The following USP6 variants were observed in gnomAD, a reference collection of about 807,000 sequenced individuals.
USP6 encodes ubiquitin specific peptidase 6, also known as ubiquitin carboxyl-terminal hydrolase 6.
A neutral mutation model predicts 175.7 loss-of-function variants in USP6; 128 were observed. The ratio of observed to expected loss-of-function variants is 0.73; its 90% CI spans 0.63 to 0.84. The LOEUF is 0.84. USP6 is among the 40% of genes least tolerant of loss of function. The pLI, the probability that USP6 is intolerant of heterozygous loss-of-function variation, is 0.00. For missense variants in USP6, 1,498 were observed against 1,760.3 expected (o/e 0.85, Z 2.67); for synonymous variants, 562 against 630.6 (o/e 0.89, Z 1.63).
chr17:5,173,047 A>C lies in USP6; in HGVS notation c.*69A>C. 1 of 1,553,264 alleles carries C rather than the reference A, an allele frequency of 6.4e-7. No homozygotes were observed. The highest frequency in any genetic ancestry group is 8.8e-7 in the Non-Finnish European group (1 of 1,140,760). On this transcript the variant is annotated 3_prime_UTR_variant, in exon 38 of 38. Transcript: ENST00000574788. ...GACTCCTTGTAGCTGATACTTGGCA[A>C]AAGTGTCACTGAAAGACAAGCTAAA...
chr17:5,122,336 C>A (rs1328229855), intron 4 of USP6, among the ~76,000 whole-genome samples: 2 of 152,024 alleles, frequency 1.3e-5, no homozygotes, highest in Admixed American at 1.3e-4. Context: ...AGTGGTGACA[C>A]CATCAGCCAC....
chr17:5,124,125 A>G (rs1597968555), intron 4 of USP6, among the ~76,000 whole-genome samples: 1 of 152,188 alleles, frequency 6.6e-6, no homozygotes, highest in Middle Eastern at 3.2e-3. Context: ...ATACGAGGAC[A>G]CTGCAGGCAC....
At chr17:5,156,339 C>T (rs1401478675) in intron 31 of USP6, among the ~76,000 whole-genome samples, 2 of 149,396 alleles carry the variant, frequency 1.3e-5, no homozygotes, top group Admixed American at 6.7e-5. Flanking sequence ...CAGAGTTTTG[C>T]TCTTGTTGCC....
In USP6 at chr17:5,173,255, T is replaced by C. The variant is rs2074264605; in HGVS notation, c.*277T>C. On this transcript the variant is annotated 3_prime_UTR_variant, in exon 38 of 38. Transcript: ENST00000574788. ...CACCTGGGACCAAATAAGAATTGAA[T>C]TGTGCTTGTCCAGATATGAACAAAT... 7.4e-6 allele frequency: 3 copies of C among 403,898 alleles called. No homozygotes were observed. The highest frequency in any genetic ancestry group is 3.7e-5 in the South Asian group (1 of 27,156). The allele number at this position is 403,898 out of a possible 1,614,324, so 25.0% of individuals were successfully genotyped here.
intron 25 of USP6, among the ~76,000 whole-genome samples, chr17:5,144,042 ATACAAAGCAAAAGCTTTTTATAT>A (rs1268984615): frequency 6.6e-6 from 1 of 152,128 alleles, no homozygotes; most frequent in African/African-American, 2.4e-5. Context: ...TTTTATTTAA[ATACAAAGCAAAAGCTTTTTATAT>A]TACAAATTAT....
Position 5,168,875 on chromosome 17 carries a change from C to A in USP6, c.3337C>A (p.Arg1113=). 6.2e-7 allele frequency: 1 copy of A among 1,613,612 alleles called. No homozygotes were observed. Among genetic ancestry groups the A allele is most frequent in the South Asian group, 1.1e-5 (1 of 90,988 alleles). The stretch of plus-strand genomic sequence containing the variant: ...TGATCCGAGTGCTTTTTTGGTACCA[C>A]GAGACCCGGCCCTCTGCCAGCATAA... ...SFDPSAFLVP[R]DPALCQHKPL... The change falls in exon 35 of 38, where the codon CGA becomes AGA. Residue 1113 remains arginine (R), a synonymous_variant. Coordinates refer to ENST00000574788, the MANE Select transcript of USP6 (RefSeq NM_001304284.2).
chr17:5,132,344 G>C lies in USP6; in HGVS notation c.156-52G>C. 6.2e-7 allele frequency: 1 copy of C among 1,612,082 alleles called. No individual in the cohort carries two copies. The stretch of plus-strand genomic sequence containing the variant: ...TTCTGGGGGTCGGCTCCCAGGCTTG[G>C]GCGGCTCCAGGCCCTGTGCACGTCC... On this transcript the variant is annotated intron_variant, in intron 11 of 37. Transcript: ENST00000574788. The surrounding 1 kb of genome is among the most constrained non-coding windows in gnomAD (Gnocchi z 4.7).
At chr17:5,149,504 A>T (rs764555121) in intron 30 of USP6, among the ~76,000 whole-genome samples, 3 of 152,166 alleles carry the variant, frequency 2.0e-5, no homozygotes, top group Non-Finnish European at 4.4e-5. Context: ...ATATGCTATG[A>T]TGCTCACACC....
chr17:5,154,710 T>C (rs2073843490), intron 30 of USP6, among the ~76,000 whole-genome samples: 1 of 9,300 alleles, frequency 1.1e-4, no homozygotes, highest in South Asian at 6.9e-3. Flanking sequence ...GTTGAGATAG[T>C]CTTTTTTTTT....
chr17:5,148,909 T>C lies in USP6; in HGVS notation c.2643+142T>C, dbSNP rs563295760. ...TAAAAATTTAATACTTTTACAAATTTTATTTTTTTACTTTTCTATCCTGTC... is the reference window on the plus strand; with the variant it reads ...TAAAAATTTAATACTTTTACAAATTCTATTTTTTTACTTTTCTATCCTGTC... On this transcript the variant is annotated intron_variant, in intron 30 of 37. Transcript: ENST00000574788. 10 of 1,402,710 alleles carry C rather than the reference T, an allele frequency of 7.1e-6. No homozygotes were observed. In the Admixed American group the frequency reaches 2.9e-4, roughly 41 times the overall value. The allele number at this position is 1,402,710 out of a possible 1,614,324, so 86.9% of individuals were successfully genotyped here.
intron 9 of USP6, 122 bp from the exon 10 acceptor site, chr17:5,130,245 G>C: frequency 1.1e-6 from 1 of 908,010 alleles, no homozygotes; most frequent in Non-Finnish European, 1.8e-6. Context: ...CTTTTTACCG[G>C]AGTGCAGTGG....
rs762696382 is a variant in USP6, at chr17:5,116,075, G to A, written c.-2593G>A. 3.5e-4 allele frequency among the ~76,000 whole-genome samples: 53 copies of A among 152,200 alleles called. No homozygotes were observed. The highest frequency in any genetic ancestry group is 6.6e-4 in the Non-Finnish European group (45 of 68,010). ...CGGGACGGGCGGGCCCCGACGCCCA[G>A]CTCCAAATGCGTGGCCGCTGTGGGA... is the stretch of plus-strand genomic sequence containing the variant. On this transcript the variant is annotated 5_prime_UTR_variant, in exon 1 of 38. Coordinates refer to ENST00000574788, the MANE Select transcript of USP6 (RefSeq NM_001304284.2).
At chr17:5,150,643 C>T (rs147780552) in intron 30 of USP6, among the ~76,000 whole-genome samples, 49 of 152,000 alleles carry the variant, frequency 3.2e-4, no homozygotes, top group African/African-American at 1.1e-3. Context: ...TACAGGCACA[C>T]GCCACCATGC....
Position 5,172,864 on chromosome 17 carries a change from G to T in USP6, c.4107G>T (p.Gln1369His). 1.9e-6 allele frequency: 3 copies of T among 1,613,964 alleles called. No individual in the cohort carries two copies. Among genetic ancestry groups the T allele is most frequent in the Non-Finnish European group, 2.5e-6 (3 of 1,179,874 alleles). ...DSAYILFYEQ[Q>H]GIDYAQFLPK... is the part of the protein sequence containing the mutation. ...CCTACATTCTTTTCTATGAGCAGCA[G>T]GGGATAGACTACGCACAATTTCTGC... The change falls in exon 38 of 38, where the codon CAG becomes CAT. Residue 1369 changes from glutamine (Q) to histidine (H), a missense_variant. Gln to His is a conservative substitution (Grantham distance 24, BLOSUM62 0). Around this residue, in one of 2 missense-constraint regions of USP6, gnomAD observed 1,217 missense variants for 1,500.8 expected, o/e 0.81. Coordinates refer to ENST00000574788, the MANE Select transcript of USP6 (RefSeq NM_001304284.2).
Position 5,171,884 on chromosome 17 carries a change from G to A in USP6, c.4047+205G>A, listed in dbSNP as rs1271663181. Among the ~76,000 whole-genome samples the A allele has an allele frequency of 2.0e-5, 3 of 152,324 alleles. No individual in the cohort carries two copies. In the East Asian group the frequency reaches 5.8e-4, roughly 29 times the overall value. On this transcript the variant is annotated intron_variant, in intron 37 of 37. Coordinates refer to ENST00000574788, the MANE Select transcript of USP6 (RefSeq NM_001304284.2). ...AGTGAGGAAAAATAAAGAGTTAGTT[G>A]ACCGGGCGCAGTGGCTCATGCCTGT...
chr17:5,149,710 A>G (rs2073711959), intron 30 of USP6, among the ~76,000 whole-genome samples: 1 of 151,288 alleles, frequency 6.6e-6, no homozygotes, highest in Non-Finnish European at 1.5e-5. Context: ...TTTTTTTCTT[A>G]GAGGACACAA....
chr17:5,144,493 T>A (rs1259904142), intron 25 of USP6, among the ~76,000 whole-genome samples, 197 bp from the exon 26 acceptor site: 20 of 152,018 alleles, frequency 1.3e-4, no homozygotes, highest in Admixed American at 1.3e-3. Flanking sequence ...CCAAAATACT[T>A]CTCTTTTTTT....
intron 21 of USP6, among the ~76,000 whole-genome samples, chr17:5,138,809 G>A (rs188869168): frequency 2.0e-5 from 3 of 152,316 alleles, no homozygotes; most frequent in Non-Finnish European, 2.9e-5. Flanking sequence ...ATGTGGGAAC[G>A]GTCAGTCCTG....
chr17:5,152,929 G>A (rs1454503070), intron 30 of USP6, among the ~76,000 whole-genome samples: 1 of 152,176 alleles, frequency 6.6e-6, no homozygotes, highest in Non-Finnish European at 1.5e-5. Context: ...CCAGAAAGTG[G>A]AGGTTGCAGC....
Sources: allele counts gnomAD v4.1 joint callset (sites outside exome capture counted in the v4.1 genomes callset), GRCh38; gene constraint gnomAD v4.1.1; regional missense constraint gnomAD v4.1.1; non-coding constraint Gnocchi (gnomAD v3.1); transcripts MANE v1.5; gene names NCBI Gene and HGNC (gene_info 2026-07-23, HGNC 2026-07-21).